Variants in UBE2E2 observed in about 807,000 individuals in gnomAD.
UBE2E2 encodes the protein ubiquitin conjugating enzyme E2 E2.
Under a neutral mutation model 24.7 loss-of-function variants are expected in UBE2E2, and 6 were observed. The ratio of observed to expected loss-of-function variants is 0.24; its 90% CI spans 0.13 to 0.48. The LOEUF (loss-of-function observed/expected upper bound fraction) is 0.48. Ranked by LOEUF, UBE2E2 falls within the 20% of genes least tolerant of loss-of-function variation. The probability of loss-of-function intolerance (pLI) is 0.99; values close to 1 mark genes in which losing one functional copy is unlikely to be tolerated. For missense variants in UBE2E2, 169 were observed against 245.0 expected (o/e 0.69, Z 2.07); for synonymous variants, 104 against 83.6 (o/e 1.24, Z -1.33).
intron 3 of UBE2E2, among the ~76,000 whole-genome samples, chr3:23,220,843 A>G (rs1044558998): frequency 6.6e-6 from 1 of 152,222 alleles, no homozygotes; most frequent in Non-Finnish European, 1.5e-5. Context: ...GTTCTTCACA[A>G]ATTGTTAAAA....
At chr3:23,252,307 C>T (rs1037796159) in intron 3 of UBE2E2, among the ~76,000 whole-genome samples, 3 of 151,990 alleles carry the variant, frequency 2.0e-5, no homozygotes, top group Admixed American at 6.6e-5. Flanking sequence ...ATAAACTATT[C>T]ATTAGTTTTT....
intron 3 of UBE2E2, among the ~76,000 whole-genome samples, chr3:23,437,795 C>T (rs1193492105): frequency 6.6e-6 from 1 of 152,220 alleles, no homozygotes; most frequent in Non-Finnish European, 1.5e-5. Context: ...TATGTTCTCA[C>T]AGAAAAGGTC....
At chr3:23,535,622 T>TC (rs1695242791) in intron 5 of UBE2E2, among the ~76,000 whole-genome samples, 1 of 139,272 alleles carries the variant, frequency 7.2e-6, no homozygotes, top group African/African-American at 2.7e-5. Context: ...AGCATTCTTT[T>TC]TTTTTTTTTT....
intron 3 of UBE2E2, among the ~76,000 whole-genome samples, chr3:23,447,714 T>TA (rs1281513300): frequency 6.6e-6 from 1 of 152,212 alleles, no homozygotes; most frequent in Non-Finnish European, 1.5e-5. Flanking sequence ...ACATGACTGT[T>TA]ACACTTATCA....
intron 3 of UBE2E2, among the ~76,000 whole-genome samples, chr3:23,466,696 T>C (rs1029986978): frequency 4.6e-5 from 7 of 151,964 alleles, no homozygotes; most frequent in African/African-American, 1.7e-4. Flanking sequence ...GCCTCCTGAG[T>C]AGCTTGGACT....
intron 3 of UBE2E2, among the ~76,000 whole-genome samples, chr3:23,287,003 G>T (rs1255347508): frequency 6.6e-6 from 1 of 152,070 alleles, no homozygotes; most frequent in Non-Finnish European, 1.5e-5. Flanking sequence ...TCCTTTTTAT[G>T]TTCCAGATCT....
At chr3:23,296,760 A>G (rs1243887296) in intron 3 of UBE2E2, among the ~76,000 whole-genome samples, 1 of 152,218 alleles carries the variant, frequency 6.6e-6, no homozygotes, top group Non-Finnish European at 1.5e-5. Flanking sequence ...ATAGTGCCGC[A>G]ATAAACATAC....
At position 23,262,472 on chromosome 3, in the gene UBE2E2, G is replaced by A. The variant is rs538513289; in HGVS notation, c.227+45160G>A. The stretch of plus-strand genomic sequence containing the variant: ...AAAAAATGTTTTTTTGTGGAGATGC[G>A]GTCTCATTATGTTGCCTAGGCTGGT... On this transcript the variant is annotated intron_variant, in intron 3 of 5. Coordinates refer to ENST00000396703, the MANE Select transcript of UBE2E2 (RefSeq NM_152653.4). Among the ~76,000 whole-genome samples the A allele has an allele frequency of 9.2e-5, 14 of 152,060 alleles. No individual in the cohort carries two copies. The South Asian group carries it at 1.0e-3, about 11-fold the overall frequency.
At chr3:23,394,348 T>C (rs953296563) in intron 3 of UBE2E2, among the ~76,000 whole-genome samples, 1 of 152,234 alleles carries the variant, frequency 6.6e-6, no homozygotes, top group African/African-American at 2.4e-5. Flanking sequence ...TGTATATTTT[T>C]ACGAAATTGT....
intron 4 of UBE2E2, among the ~76,000 whole-genome samples, chr3:23,512,442 A>ACTCCTGAGCTCAACCAGTC (rs553310918): frequency 0.28 from 41,180 of 148,082 alleles, 6,111 homozygotes; most frequent in African/African-American, 0.36. Flanking sequence ...CTGATCTCAA[A>ACTCCTGAGCTCAACCAGTC]CTCCTGAGCT....
At chr3:23,588,152 C>T (rs1696668592) in intron 5 of UBE2E2, among the ~76,000 whole-genome samples, 2 of 152,184 alleles carry the variant, frequency 1.3e-5, no homozygotes, top group Admixed American at 1.3e-4. Flanking sequence ...TGTTGGGCCA[C>T]AGACGTAGTT....
intron 3 of UBE2E2, among the ~76,000 whole-genome samples, chr3:23,359,033 A>G (rs1696041345): frequency 6.6e-6 from 1 of 152,198 alleles, no homozygotes; most frequent in African/African-American, 2.4e-5. Context: ...GGCAGAGACA[A>G]GGGGATGATC....
chr3:23,448,563 A>G (rs781668026), intron 3 of UBE2E2, among the ~76,000 whole-genome samples: 16 of 152,232 alleles, frequency 1.1e-4, no homozygotes, highest in Admixed American at 5.2e-4. Context: ...AAGTATTTCA[A>G]CTTTTACAGT....
At chr3:23,484,134 A>G (rs778521) in intron 3 of UBE2E2, among the ~76,000 whole-genome samples, 80,923 of 152,080 alleles carry the variant, frequency 0.53, 22,879 homozygotes, top group African/African-American at 0.73. Context: ...GTTCTTCCAA[A>G]GGGCAACCCG....
chr3:23,308,532 G>T, intron 3 of UBE2E2, among the ~76,000 whole-genome samples: 1 of 152,060 alleles, frequency 6.6e-6, no homozygotes, highest in Non-Finnish European at 1.5e-5. Context: ...TTATAAAATT[G>T]TTTACCATGT....
At chr3:23,341,814 A>G (rs1005589094) in intron 3 of UBE2E2, among the ~76,000 whole-genome samples, 1 of 152,192 alleles carries the variant, frequency 6.6e-6, no homozygotes, top group African/African-American at 2.4e-5. Flanking sequence ...TGAAAAGTAA[A>G]CAGCAGTCAG....
At chr3:23,203,232 G>A, upstream of UBE2E2, 1 of 988,390 alleles carries the variant, frequency 1.0e-6, no homozygotes, top group Admixed American at 6.1e-5. Context: ...AGCTGGAACG[G>A]CCGGGGGCGG....
chr3:23,582,860 A>AGTGTGTGTGTGTGTGT (rs58053821), intron 5 of UBE2E2, among the ~76,000 whole-genome samples: 179 of 116,788 alleles, frequency 1.5e-3, no homozygotes, highest in African/African-American at 5.8e-3. Context: ...TATTCTGTTG[A>AGTGTGTGTGTGTGTGT]GTGTGTGTGT....
chr3:23,253,327 A>G (rs1328543229), intron 3 of UBE2E2, among the ~76,000 whole-genome samples: 1 of 152,244 alleles, frequency 6.6e-6, no homozygotes, highest in Non-Finnish European at 1.5e-5. Flanking sequence ...ATGACAAACC[A>G]GTAAAAATAC....
Sources: allele counts gnomAD v4.1 joint callset (sites outside exome capture counted in the v4.1 genomes callset), GRCh38; gene constraint gnomAD v4.1.1; transcripts MANE v1.5; gene names NCBI Gene and HGNC (gene_info 2026-07-23, HGNC 2026-07-21).